TMPRSS9: variants seen among roughly 807,000 people sequenced by gnomAD.
TMPRSS9 encodes transmembrane protease serine 9.
In TMPRSS9, 113 loss-of-function variants were observed where a neutral mutation model predicts 111.4. The observed-to-expected ratio is 1.01, with a 90% CI of 0.87 to 1.19. The LOEUF is 1.19. TMPRSS9 is among the 50% of genes most tolerant of loss of function. The probability of loss-of-function intolerance (pLI) is 0.00; values close to 1 mark genes in which losing one functional copy is unlikely to be tolerated. For missense variants in TMPRSS9, 1,803 were observed against 1,513.1 expected (o/e 1.19, Z -3.18); for synonymous variants, 805 against 659.1 (o/e 1.22, Z -3.39).
At chr19:2,405,320 C>G in intron 6 of TMPRSS9, 54 bp from the exon 8 acceptor site, 4 of 1,520,208 alleles carry the variant, frequency 2.6e-6, no homozygotes, top group Non-Finnish European at 3.5e-6. Flanking sequence ...TCTGGGAGTT[C>G]AGGGTGAGGT....
At chr19:2,417,960 TG>T (rs1267168066) in intron 12 of TMPRSS9, 41 bp from the exon 14 acceptor site, 1 of 1,610,044 alleles carries the variant, frequency 6.2e-7, no homozygotes, top group African/African-American at 1.3e-5. Flanking sequence ...GCTGCTCTGA[TG>T]ATCACTGTGC....
chr19:2,401,122 A>G (rs934588332), intron 4 of TMPRSS9, among the ~76,000 whole-genome samples: 5 of 151,058 alleles, frequency 3.3e-5, no homozygotes, highest in Non-Finnish European at 7.4e-5. Flanking sequence ...AAAATACAAA[A>G]AATCAGCCGG....
At chr19:2,415,635 A>G (rs1363405425) in intron 10 of TMPRSS9, 35 bp from the exon 12 acceptor site, 1 of 1,511,620 alleles carries the variant, frequency 6.6e-7, no homozygotes, top group Non-Finnish European at 8.9e-7. Context: ...GAGCAGGCCA[A>G]GATCCCCAGA....
chr19:2,419,864 G>C (rs1175710710), intron 13 of TMPRSS9, among the ~76,000 whole-genome samples: 2 of 152,190 alleles, frequency 1.3e-5, no homozygotes, highest in African/African-American at 2.4e-5. Flanking sequence ...TGCACACACA[G>C]ACAGGTTAAT....
chr19:2,425,963 T>G lies in TMPRSS9; in HGVS notation c.3157T>G (p.Ser1053Ala). The G allele has an allele frequency of 6.2e-7, 1 of 1,606,160 alleles. No individual in the cohort carries two copies. Among genetic ancestry groups the G allele is most frequent in the Non-Finnish European group, 8.5e-7 (1 of 1,177,532 alleles). The change falls in exon 18 of 18, where the codon TCT (serine) becomes GCT (alanine). Residue 1053 changes from serine (S) to alanine (A), a missense_variant. Coordinates refer to ENST00000648592, the Ensembl canonical transcript of TMPRSS9. Reference sequence around the variant, plus strand: ...GGGACCCCTGGCCTGCAGGGAGCCCTCTGGACGGTGGGTGCTAACTGGGGT... The same window carrying G: ...GGGACCCCTGGCCTGCAGGGAGCCCGCTGGACGGTGGGTGCTAACTGGGGT...
intron 1 of TMPRSS9, among the ~76,000 whole-genome samples, chr19:2,381,903 C>T (rs983618750): frequency 2.0e-5 from 3 of 152,182 alleles, no homozygotes; most frequent in Non-Finnish European, 2.9e-5. Flanking sequence ...AGTGCAGTGG[C>T]GCAATCTCAG....
In TMPRSS9 at chr19:2,416,526, C is replaced by T; in HGVS notation, c.1746-12C>T. The T allele has an allele frequency of 3.8e-6, 6 of 1,598,542 alleles. No individual in the cohort carries two copies. The highest frequency in any genetic ancestry group is 5.1e-6 in the Non-Finnish European group (6 of 1,173,278). Reference sequence around the variant, plus strand: ...TGGAGGGCAGGCATGTCTGAGGGCCCTGTCTCCATAGCACGAAGGTGGAGC... The same window carrying T: ...TGGAGGGCAGGCATGTCTGAGGGCCTTGTCTCCATAGCACGAAGGTGGAGC... On this transcript the variant is annotated splice_polypyrimidine_tract_variant and intron_variant, in intron 11 of 17. Transcript: ENST00000648592.
intron 4 of TMPRSS9, among the ~76,000 whole-genome samples, chr19:2,401,090 C>A (rs765250536): frequency 6.7e-6 from 1 of 148,630 alleles, no homozygotes. Flanking sequence ...CTGGCTAACA[C>A]GGTGAAACCC....
chr19:2,381,211 C>T (rs183524896), intron 1 of TMPRSS9, among the ~76,000 whole-genome samples: 1 of 151,986 alleles, frequency 6.6e-6, no homozygotes, highest in Admixed American at 6.6e-5. Context: ...AATGGCGCTT[C>T]TATGTTTGAT....
intron 1 of TMPRSS9, among the ~76,000 whole-genome samples, chr19:2,394,310 C>A (rs1437359691): frequency 6.6e-6 from 1 of 151,962 alleles, no homozygotes; most frequent in African/African-American, 2.4e-5. Flanking sequence ...TCACCTGAGC[C>A]CATGAGGTCG....
chr19:2,421,980 C>A, exon 14 of TMPRSS9: 1 of 1,613,202 alleles, frequency 6.2e-7, no homozygotes, highest in African/African-American at 1.3e-5. Context: ...CATCACCAGG[C>A]TAAAGGGCTG....
chr19:2,391,395 A>ATT (rs1568175757), intron 1 of TMPRSS9, among the ~76,000 whole-genome samples: 1 of 145,418 alleles, frequency 6.9e-6, no homozygotes, highest in Non-Finnish European at 1.5e-5. Flanking sequence ...TTTTTAAAAA[A>ATT]TATTTGTGGA....
chr19:2,364,316 C>G (rs1970230921), intron 1 of TMPRSS9, among the ~76,000 whole-genome samples: 1 of 152,202 alleles, frequency 6.6e-6, no homozygotes, highest in African/African-American at 2.4e-5. Context: ...GCCCTGCAGG[C>G]TGTTCTAAGC....
At chr19:2,394,162 C>T (rs1447836007) in intron 1 of TMPRSS9, among the ~76,000 whole-genome samples, 1 of 151,986 alleles carries the variant, frequency 6.6e-6, no homozygotes, top group African/African-American at 2.4e-5. Context: ...AAGATCGTGC[C>T]ACTGCATCCC....
At chr19:2,423,416 C>T (rs1045781265) in intron 14 of TMPRSS9, among the ~76,000 whole-genome samples, 2 of 144,870 alleles carry the variant, frequency 1.4e-5, no homozygotes, top group Non-Finnish European at 3.0e-5. Context: ...CTGGCATTTC[C>T]CCTTACTGGC....
chr19:2,407,521 T>C (rs1970991787), intron 7 of TMPRSS9, among the ~76,000 whole-genome samples: 1 of 150,596 alleles, frequency 6.6e-6, no homozygotes, highest in Non-Finnish European at 1.5e-5. Context: ...AGCGAGACTC[T>C]GTCTCAAAAA....
intron 7 of TMPRSS9, 65 bp downstream of exon 8, chr19:2,405,610 C>A (rs548037408): frequency 2.1e-6 from 3 of 1,422,360 alleles, no homozygotes; most frequent in South Asian, 3.3e-5. Flanking sequence ...CCCTCGTGCA[C>A]TGGGGACGTC....
chr19:2,409,569 G>T (rs1971052582), intron 8 of TMPRSS9, among the ~76,000 whole-genome samples: 1 of 152,146 alleles, frequency 6.6e-6, no homozygotes, highest in African/African-American at 2.4e-5. Context: ...AGAGGGAAAT[G>T]AATCCAGTGG....
chr19:2,406,518 A>G (rs1005752453), intron 7 of TMPRSS9, among the ~76,000 whole-genome samples: 8 of 146,956 alleles, frequency 5.4e-5, no homozygotes, highest in Non-Finnish European at 3.0e-5. Flanking sequence ...TATAATTAGT[A>G]GAGATGGGTT....
Sources: gnomAD v4.1 joint callset for allele counts (sites outside exome capture counted in the v4.1 genomes callset) on GRCh38, gnomAD v4.1.1 for gene constraint, MANE v1.5 for transcripts, NCBI Gene and HGNC (gene_info 2026-07-23, HGNC 2026-07-21) for gene names.